The following MALRD1 variants were observed in gnomAD, a reference collection of about 807,000 sequenced individuals.
MALRD1 encodes the protein MAM and LDL receptor class A domain containing 1.
Under a neutral mutation model 242.1 loss-of-function variants are expected in MALRD1, and 247 were observed. The observed-to-expected ratio is 1.02, with a 90% CI of 0.92 to 1.13. MALRD1 has a LOEUF of 1.13. Ranked by LOEUF, MALRD1 falls within the 50% of genes most tolerant of loss-of-function variation. The pLI, the probability that MALRD1 is intolerant of heterozygous loss-of-function variation, is 0.00. For synonymous variants in MALRD1, 995 were observed against 866.6 expected (o/e 1.15, Z -2.60); for missense variants, 2,989 against 2,533.1 (o/e 1.18, Z -3.86).
chr10:19,557,220 A>T (rs573632238), intron 32 of MALRD1, among the ~76,000 whole-genome samples: 2 of 152,010 alleles, frequency 1.3e-5, no homozygotes, highest in South Asian at 4.1e-4. Context: ...GTTTTAGAAT[A>T]TTTTCTTTGG....
intron 29 of MALRD1, among the ~76,000 whole-genome samples, chr10:19,470,310 C>A (rs534959528): frequency 6.6e-6 from 1 of 151,872 alleles, no homozygotes; most frequent in Non-Finnish European, 1.5e-5. Flanking sequence ...TATTCCATTG[C>A]GTGTGTATAC....
intron 38 of MALRD1, among the ~76,000 whole-genome samples, chr10:19,704,266 G>A (rs1057475881): frequency 3.3e-5 from 5 of 152,080 alleles, no homozygotes; most frequent in Non-Finnish European, 5.9e-5. Flanking sequence ...CCATAAACTC[G>A]GTGGTATAAA....
intron 16 of MALRD1, 70 bp downstream of exon 16, chr10:19,204,483 C>T (rs1049631839): frequency 3.9e-6 from 4 of 1,013,708 alleles, no homozygotes; most frequent in African/African-American, 3.3e-5. Context: ...TGCAGGCATA[C>T]CTCTGCACTT....
intron 36 of MALRD1, among the ~76,000 whole-genome samples, chr10:19,638,424 A>C (rs191364167): frequency 6.6e-6 from 1 of 152,270 alleles, no homozygotes; most frequent in Non-Finnish European, 1.5e-5. Flanking sequence ...ATACTGCATT[A>C]AGGGAGTAGC....
At chr10:19,533,285 A>G (rs947829248) in intron 32 of MALRD1, among the ~76,000 whole-genome samples, 1 of 152,068 alleles carries the variant, frequency 6.6e-6, no homozygotes, top group Non-Finnish European at 1.5e-5. Context: ...CTGATACCTG[A>G]CTTTGGTGCT....
chr10:19,363,610 T>C (rs1844989141), intron 26 of MALRD1, among the ~76,000 whole-genome samples: 1 of 152,104 alleles, frequency 6.6e-6, no homozygotes, highest in East Asian at 1.9e-4. Context: ...CTATAAGAAA[T>C]GGCCCAAATT....
At chr10:19,672,837 A>C (rs1427735429) in intron 36 of MALRD1, among the ~76,000 whole-genome samples, 1 of 152,178 alleles carries the variant, frequency 6.6e-6, no homozygotes, top group African/African-American at 2.4e-5. Flanking sequence ...CAGTAAATTG[A>C]TGGAGGCCAG....
intron 29 of MALRD1, among the ~76,000 whole-genome samples, chr10:19,472,103 T>C (rs1836525734): frequency 6.6e-6 from 1 of 152,028 alleles, no homozygotes. Flanking sequence ...TGTTGACAAG[T>C]TTCATCATAA....
intron 26 of MALRD1, among the ~76,000 whole-genome samples, chr10:19,377,500 T>C (rs1467220589): frequency 6.6e-6 from 1 of 152,132 alleles, no homozygotes; most frequent in East Asian, 1.9e-4. Context: ...TTTTATTCTC[T>C]GCTTGTTAGT....
chr10:19,542,067 CAACTT>C (rs1834996762), intron 32 of MALRD1, among the ~76,000 whole-genome samples: 2 of 152,068 alleles, frequency 1.3e-5, no homozygotes, highest in Non-Finnish European at 2.9e-5. Context: ...AAAGTAAACT[CAACTT>C]GAAGAGTTAT....
At chr10:19,157,469 G>A (rs1292662537) in intron 12 of MALRD1, among the ~76,000 whole-genome samples, 9 of 151,844 alleles carry the variant, frequency 5.9e-5, no homozygotes, top group South Asian at 2.1e-4. Flanking sequence ...GGATGGTCTC[G>A]ATCTCCTGAC....
intron 12 of MALRD1, among the ~76,000 whole-genome samples, chr10:19,157,813 G>T (rs12781273): frequency 0.33 from 49,651 of 151,870 alleles, 8,427 homozygotes; most frequent in Admixed American, 0.39. Flanking sequence ...CAGTTAAGAA[G>T]TTTTTGTTTT....
intron 24 of MALRD1, among the ~76,000 whole-genome samples, chr10:19,343,995 C>T (rs1334948030): frequency 6.6e-6 from 1 of 152,088 alleles, no homozygotes. Flanking sequence ...TTTGCCCATT[C>T]TCTAATTAGA....
At position 19,671,609 on chromosome 10, in the gene MALRD1, C is replaced by G. The variant is rs142805316; in HGVS notation, c.6138-20673C>G. Among the ~76,000 whole-genome samples, 216 of 152,146 alleles carry G rather than the reference C, an allele frequency of 1.4e-3. 1 individual carries two copies. Among genetic ancestry groups the G allele is most frequent in the African/African-American group, 5.1e-3 (210 of 41,518 alleles). ...CTCCAGCACTCCAGTCTCGGTGACA[C>G]AGCGAGACTCCGTCTCAAAAAAATA... On this transcript the variant is annotated intron_variant, in intron 36 of 39. Coordinates refer to ENST00000454679, the MANE Select transcript of MALRD1 (RefSeq NM_001142308.3).
At chr10:19,266,411 G>A (rs1839977698) in intron 19 of MALRD1, among the ~76,000 whole-genome samples, 1 of 151,692 alleles carries the variant, frequency 6.6e-6, no homozygotes, top group Non-Finnish European at 1.5e-5. Context: ...TTTAACATAA[G>A]GCTTATAAAA....
chr10:19,387,851 G>C lies in MALRD1; in HGVS notation c.4687+78G>C, dbSNP rs142318063. ...CAAAATGTCTTTTCTGATAGCAACT[G>C]GGGAGCTCTGAAGAGACCACCACGA... On this transcript the variant is annotated intron_variant, in intron 27 of 39. Coordinates refer to ENST00000454679, the MANE Select transcript of MALRD1 (RefSeq NM_001142308.3). The C allele has an allele frequency of 6.4e-4, 941 of 1,479,804 alleles. 8 individuals carry two copies. In the African/African-American group the frequency reaches 0.012, roughly 19 times the overall value. 91.7% of individuals were successfully genotyped at this position (1,479,804 alleles called of 1,614,324 possible). A position where few individuals can be genotyped will look rare whatever the true frequency, so the allele number is the denominator to read the frequency against.
At chr10:19,578,552 T>C (rs1211521238) in intron 33 of MALRD1, among the ~76,000 whole-genome samples, 1 of 151,954 alleles carries the variant, frequency 6.6e-6, no homozygotes, top group Non-Finnish European at 1.5e-5. Flanking sequence ...ATTAGCTAAA[T>C]GTGGTGGCGC....
chr10:19,073,566 T>C (rs1054114124), intron 2 of MALRD1, among the ~76,000 whole-genome samples: 1 of 152,164 alleles, frequency 6.6e-6, no homozygotes, highest in Non-Finnish European at 1.5e-5. Flanking sequence ...ATGCACAAAA[T>C]TATTTTAAAA....
intron 29 of MALRD1, chr10:19,489,059 A>C (rs1189159451): frequency 6.5e-6 from 3 of 458,298 alleles, no homozygotes; most frequent in Non-Finnish European, 1.3e-5. Context: ...GAGGGGCGGC[A>C]GCGCCAGGCA....
Sources: gnomAD v4.1 joint callset for allele counts (sites outside exome capture counted in the v4.1 genomes callset) on GRCh38, gnomAD v4.1.1 for gene constraint, MANE v1.5 for transcripts, NCBI Gene and HGNC (gene_info 2026-07-23, HGNC 2026-07-21) for gene names.